Variants in NID1 observed in about 807,000 individuals in gnomAD.
The protein encoded by NID1 is nidogen-1.
A neutral mutation model predicts 130.6 loss-of-function variants in NID1; 76 were observed. The ratio of observed to expected loss-of-function variants is 0.58; its 90% CI spans 0.48 to 0.70. The LOEUF (loss-of-function observed/expected upper bound fraction) is 0.70. Among genes scored for constraint, NID1 ranks in the 30% least tolerant of loss-of-function variants. NID1 has a pLI of 0.00. For missense variants in NID1, 1,517 were observed against 1,664.8 expected (o/e 0.91, Z 1.54); for synonymous variants, 665 against 675.1 (o/e 0.98, Z 0.23).
rs377519496 is a variant in NID1, at chr1:236,025,882, C to A, written c.1984+14G>T. On this transcript the variant is annotated intron_variant, in intron 8 of 19. Transcript: ENST00000264187. ...CATGAGCACCTGTGCCCAGCATGAGCTGTATCCCCTTACCCCTCACAGGCC... is the reference window on the plus strand; with the variant it reads ...CATGAGCACCTGTGCCCAGCATGAGATGTATCCCCTTACCCCTCACAGGCC... The A allele has an allele frequency of 3.3e-5, 54 of 1,612,868 alleles. 1 individual carries two copies. The African/African-American group carries it at 5.5e-4, about 16-fold the overall frequency.
Position 236,032,604 on chromosome 1 carries a change from C to T in NID1, c.1334G>A (p.Gly445Glu). ...NGKVKGRIFV[G>E]SSQVPIVFEN... ...AAAGACAATGGGGACCTGGCTGCTC[C>T]CCACAAAGATCCTTCCTTTCACCTT... The change falls in exon 6 of 20, where the codon GGG becomes GAG. Residue 445 changes from glycine to glutamate, a missense_variant. Gly to Glu is a moderately conservative substitution (Grantham distance 98, BLOSUM62 -2). Coordinates refer to ENST00000264187, the MANE Select transcript of NID1 (RefSeq NM_002508.3). 1 of 1,614,120 alleles carries T rather than the reference C, an allele frequency of 6.2e-7. No homozygotes were observed. The highest frequency in any genetic ancestry group is 8.5e-7 in the Non-Finnish European group (1 of 1,180,036).
intron 1 of NID1, among the ~76,000 whole-genome samples, chr1:236,063,517 AAGCATATATAGTACATAAG>A (rs1369991216): frequency 6.6e-6 from 1 of 152,130 alleles, no homozygotes; most frequent in Non-Finnish European, 1.5e-5. Context: ...GTAAGCATAT[AAGCATATATAGTACATAAG>A]AGCATAAGAT....
chr1:236,057,355 T>C (rs1659923080), intron 1 of NID1, among the ~76,000 whole-genome samples: 2 of 152,184 alleles, frequency 1.3e-5, no homozygotes, highest in Admixed American at 1.3e-4. Context: ...AATTTTAGAT[T>C]GCTTTTAATT....
intron 1 of NID1, among the ~76,000 whole-genome samples, chr1:236,057,735 AAGAG>A (rs983156863): frequency 4.9e-4 from 74 of 152,124 alleles, no homozygotes; most frequent in African/African-American, 1.7e-3. Context: ...AAGAAAGAAA[AAGAG>A]AGAGAGAGAA....
At position 235,996,442 on chromosome 1, in the gene NID1, C is replaced by T. The variant is rs545658031; in HGVS notation, c.2528-2570G>A. ...CTCTTTTTAATTCTGTCCATTTTCA[C>T]TCCATGTATTTTTTTTTTAAGACAG... is the stretch of plus-strand genomic sequence containing the variant. On this transcript the variant is annotated intron_variant, in intron 12 of 19. Transcript: ENST00000264187. Among the ~76,000 whole-genome samples, 9 of 152,062 alleles carry T rather than the reference C, an allele frequency of 5.9e-5. No individual in the cohort carries two copies. The East Asian group carries it at 1.5e-3, about 26-fold the overall frequency.
intron 1 of NID1, among the ~76,000 whole-genome samples, chr1:236,061,530 A>G (rs1204165594): frequency 6.6e-6 from 1 of 151,952 alleles, no homozygotes. Flanking sequence ...CAATGGCGCG[A>G]TCTTGGCTTA....
intron 12 of NID1, among the ~76,000 whole-genome samples, chr1:235,998,022 G>A (rs573855370): frequency 1.3e-5 from 2 of 152,324 alleles, no homozygotes; most frequent in Admixed American, 1.3e-4. Flanking sequence ...AGGACTGTTT[G>A]AGGAGTCAGT....
At chr1:236,009,558 TACATA>T (rs1392752454) in intron 12 of NID1, among the ~76,000 whole-genome samples, 1 of 152,244 alleles carries the variant, frequency 6.6e-6, no homozygotes, top group African/African-American at 2.4e-5. Flanking sequence ...CTTATGTATG[TACATA>T]ACATAACACA....
intron 1 of NID1, among the ~76,000 whole-genome samples, chr1:236,063,097 T>A (rs1448668531): frequency 7.2e-6 from 1 of 139,310 alleles, no homozygotes; most frequent in Non-Finnish European, 1.5e-5. Flanking sequence ...GAGGTTACAG[T>A]GAGCCAAGAT....
intron 1 of NID1, among the ~76,000 whole-genome samples, chr1:236,064,003 C>T (rs914853942): frequency 6.6e-6 from 1 of 152,198 alleles, no homozygotes; most frequent in African/African-American, 2.4e-5. Flanking sequence ...ATTTCACGGG[C>T]AGGACAGGCT....
At chr1:236,023,894 G>A (rs962401137) in intron 9 of NID1, among the ~76,000 whole-genome samples, 176 bp downstream of exon 9, 6 of 152,176 alleles carry the variant, frequency 3.9e-5, no homozygotes, top group South Asian at 4.1e-4. Context: ...CAGTACTCCC[G>A]AGTTTACCCA....
chr1:236,058,793 T>A (rs1200037912), intron 1 of NID1, among the ~76,000 whole-genome samples: 3 of 152,162 alleles, frequency 2.0e-5, no homozygotes, highest in Non-Finnish European at 4.4e-5. Context: ...ACATGTGTGT[T>A]TAGAGAATAC....
chr1:235,981,481 T>C (rs2102791988), intron 16 of NID1, 130 bp downstream of exon 16: 2 of 977,360 alleles, frequency 2.0e-6, no homozygotes, highest in Non-Finnish European at 3.0e-6. Context: ...TCACCAAAAC[T>C]GTAGACTCTT....
At chr1:236,012,558 CAAAAAAAAAA>C (rs56183830) in intron 11 of NID1, among the ~76,000 whole-genome samples, 1 of 98,086 alleles carries the variant, frequency 1.0e-5, no homozygotes, top group Non-Finnish European at 2.1e-5. Context: ...AATGCCATCT[CAAAAAAAAAA>C]AAAAAAAAAA....
At chr1:235,998,628 T>G (rs1302444702) in intron 12 of NID1, among the ~76,000 whole-genome samples, 1 of 152,068 alleles carries the variant, frequency 6.6e-6, no homozygotes, top group Non-Finnish European at 1.5e-5. Flanking sequence ...TGAGCCAAGA[T>G]TGTGACATTG....
At chr1:235,992,772 T>C (rs1657794584) in intron 13 of NID1, among the ~76,000 whole-genome samples, 1 of 152,240 alleles carries the variant, frequency 6.6e-6, no homozygotes, top group African/African-American at 2.4e-5. Context: ...GTAATTGTTT[T>C]ACTGTTTCTT....
intron 5 of NID1, among the ~76,000 whole-genome samples, chr1:236,034,250 G>A (rs919125654): frequency 9.9e-5 from 15 of 151,746 alleles, no homozygotes; most frequent in African/African-American, 2.4e-4. Context: ...GTGAAACCCC[G>A]TCTCTACTAA....
intron 1 of NID1, among the ~76,000 whole-genome samples, chr1:236,054,327 G>C (rs1659839829): frequency 6.6e-6 from 1 of 152,104 alleles, no homozygotes. Flanking sequence ...GAGGTAGCAG[G>C]TGCCTGTAAT....
intron 15 of NID1, among the ~76,000 whole-genome samples, 164 bp from the exon 16 acceptor site, chr1:235,981,946 CAA>C (rs764604328): frequency 2.0e-5 from 3 of 152,198 alleles, no homozygotes; most frequent in Non-Finnish European, 4.4e-5. Context: ...AAACAACACT[CAA>C]AGTGACAAAT....
Sources: gnomAD v4.1 joint callset for allele counts (sites outside exome capture counted in the v4.1 genomes callset) on GRCh38, gnomAD v4.1.1 for gene constraint, MANE v1.5 for transcripts, NCBI Gene and HGNC (gene_info 2026-07-23, HGNC 2026-07-21) for gene names.